Variants in MRPL28 observed in about 807,000 individuals in gnomAD.
MRPL28 encodes the protein mitochondrial ribosomal protein L28.
A neutral mutation model predicts 26.2 loss-of-function variants in MRPL28; 25 were observed. The ratio of observed to expected loss-of-function variants is 0.95; its 90% CI spans 0.69 to 1.33. The LOEUF (loss-of-function observed/expected upper bound fraction) is 1.33, where lower values mean the gene tolerates loss of function less well. MRPL28 is among the 40% of genes most tolerant of loss of function. MRPL28 has a pLI of 0.00. For missense variants in MRPL28, 432 were observed against 327.2 expected (o/e 1.32, Z -2.47); for synonymous variants, 227 against 140.1 (o/e 1.62, Z -4.38).
rs983199350 is a variant in MRPL28, at chr16:367,199, C to T, written c.*476G>A. Among the ~76,000 whole-genome samples, 50 of 152,056 alleles carry T rather than the reference C, an allele frequency of 3.3e-4. No homozygotes were observed. Among genetic ancestry groups the T allele is most frequent in the Admixed American group, 2.9e-3 (44 of 15,268 alleles). On this transcript the variant is annotated 3_prime_UTR_variant, in exon 6 of 6. Transcript: ENST00000199706. The stretch of plus-strand genomic sequence containing the variant: ...CAGCCTGGGTGACTGAGCAAGACTC[C>T]GTCTCAAAAAAAGAAAAGAAAAAAA...
intron 5 of MRPL28, among the ~76,000 whole-genome samples, 165 bp from the exon 6 acceptor site, chr16:367,947 G>A (rs575140547): frequency 6.6e-5 from 10 of 152,314 alleles, no homozygotes; most frequent in Admixed American, 2.0e-4. Flanking sequence ...TGGGGATGCC[G>A]GAGGCACACA....
rs555029672 is a variant in MRPL28 at position 368,719 on chromosome 16, C to T, written c.442-84G>A. On this transcript the variant is annotated intron_variant, in intron 3 of 5. Coordinates refer to ENST00000199706, the MANE Select transcript of MRPL28 (RefSeq NM_006428.5). The stretch of plus-strand genomic sequence containing the variant: ...GCCAACCCACCTGGCTCCTCTCTAG[C>T]CGCTGGTGGTCCCAGGACAGGACAG... 264 of 1,505,082 alleles carry T rather than the reference C, an allele frequency of 1.8e-4. 1 individual carries two copies. In the African/African-American group the frequency reaches 3.4e-3, roughly 20 times the overall value. 93.2% of individuals were successfully genotyped at this position (1,505,082 alleles called of 1,614,324 possible). A position where few individuals can be genotyped will look rare whatever the true frequency, so the allele number is the denominator to read the frequency against.
chr16:368,247 G>A (rs2054278685), intron 5 of MRPL28, 81 bp downstream of exon 5: 1 of 1,493,528 alleles, frequency 6.7e-7, no homozygotes, highest in Non-Finnish European at 9.3e-7. Flanking sequence ...CCTTGTGCAG[G>A]CTCTCTCCAA....
At chr16:369,577 A>T in intron 2 of MRPL28, 7 of 618,676 alleles carry the variant, frequency 1.1e-5, no homozygotes, top group Non-Finnish European at 2.1e-5. Context: ...CCCGCCAGGA[A>T]GTCCACCACA....
chr16:368,071 G>A (rs2054276943), intron 5 of MRPL28, among the ~76,000 whole-genome samples: 1 of 152,220 alleles, frequency 6.6e-6, no homozygotes. Flanking sequence ...CCAGACCCTG[G>A]GATGCTGGTG....
rs745674472 is a variant in MRPL28, at chr16:370,156, A to C, written c.63T>G (p.Cys21Trp). 1.0e-5 allele frequency: 16 copies of C among 1,602,148 alleles called. No individual in the cohort carries two copies. In the Admixed American group the frequency reaches 1.5e-4, roughly 15 times the overall value. Residue 21 changes from cysteine to tryptophan, a missense_variant, in exon 2 of 6, where the codon TGT becomes TGG. Physicochemically the swap from Cys to Trp is radical, Grantham distance 215. Transcript: ENST00000199706. The part of the protein sequence containing the change: ...WKRLQLREGI[C>W]SRLPGHYLRS... ...GCAGGTAGTGGCCGGGCAGGCGGGA[A>C]CAGATGCCCTCCCGCAGCTGCAGCC...
In MRPL28 at chr16:368,598, T is replaced by C. The variant is rs2054283693; in HGVS notation, c.479A>G (p.Asp160Gly). The change falls in exon 4 of 6, where the codon GAC (aspartate) becomes GGC (glycine). Residue 160 changes from aspartate to glycine, a missense_variant. Asp to Gly is a moderately conservative substitution (Grantham distance 94). Coordinates refer to ENST00000199706, the MANE Select transcript of MRPL28 (RefSeq NM_006428.5). Reference protein sequence around the residue: ...KEDLCSKFGMDLKRGMLLRLA... With the variant: ...KEDLCSKFGMGLKRGMLLRLA... ...CCGCAGCAGCATCCCTCGCTTCAGG[T>C]CCATCCCAAACTTGGAGCACAGGTC... 2 of 1,590,468 alleles carry C rather than the reference T, an allele frequency of 1.3e-6. No individual in the cohort carries two copies. The highest frequency in any genetic ancestry group is 1.3e-5 in the African/African-American group (1 of 74,394).
At chr16:370,265 C>T (rs1567320513) in intron 1 of MRPL28, 40 bp from the exon 2 acceptor site, 1 of 1,498,064 alleles carries the variant, frequency 6.7e-7, no homozygotes, top group East Asian at 2.4e-5. Context: ...CGCAGCCTGG[C>T]CAGGCCCCCG....
chr16:367,699 C>T lies in MRPL28; in HGVS notation c.747G>A (p.Val249=), dbSNP rs777289549. 17 of 1,613,604 alleles carry T rather than the reference C, an allele frequency of 1.1e-5. No individual in the cohort carries two copies. The Admixed American group carries it at 2.0e-4, about 19-fold the overall frequency. The part of the protein sequence containing the change: ...QQQALSEPAV[V]QKRASGQ ...GTCACTGGCCACTGGCTCTCTTCTG[C>T]ACCACCGCCGGCTCTGACAGTGCCT... The change falls in exon 6 of 6, where the codon GTG becomes GTA. Residue 249 remains valine (V), a synonymous_variant. Coordinates refer to ENST00000199706, the MANE Select transcript of MRPL28 (RefSeq NM_006428.5).
In MRPL28 at chr16:370,152, G is replaced by A. The variant is rs757199021; in HGVS notation, c.67C>T (p.Arg23Cys). The A allele has an allele frequency of 4.4e-6, 7 of 1,602,324 alleles. No individual in the cohort carries two copies. The highest frequency in any genetic ancestry group is 1.3e-5 in the African/African-American group (1 of 74,608). ...RLQLREGICSRLPGHYLRSLE... is the reference protein window; with the variant it reads ...RLQLREGICSCLPGHYLRSLE... ...GAGCGCAGGTAGTGGCCGGGCAGGC[G>A]GGAACAGATGCCCTCCCGCAGCTGC... Residue 23 changes from arginine (R) to cysteine (C), a missense_variant, in exon 2 of 6, where the codon CGC becomes TGC. By Grantham distance (180) the Arg-to-Cys change is radical (BLOSUM62 -3). Coordinates refer to ENST00000199706, the MANE Select transcript of MRPL28 (RefSeq NM_006428.5).
intron 2 of MRPL28, chr16:369,514 T>C (rs1381557053): frequency 7.4e-6 from 5 of 673,780 alleles, no homozygotes; most frequent in Admixed American, 2.2e-5. Flanking sequence ...AGTTTACAGG[T>C]TGTCACATTC....
Position 368,338 on chromosome 16 carries a change from A to G in MRPL28, c.653T>C (p.Leu218Ser). The G allele has an allele frequency of 6.2e-7, 1 of 1,613,532 alleles. No individual in the cohort carries two copies. The highest frequency in any genetic ancestry group is 8.5e-7 in the Non-Finnish European group (1 of 1,179,964). Residue 218 changes from leucine (L) to serine (S), a missense_variant, in exon 5 of 6, where the codon TTG (leucine) becomes TCG (serine). By Grantham distance (145) the Leu-to-Ser change is moderately radical. Transcript: ENST00000199706. The part of the protein sequence containing the change: ...LEEAIEKQRL[L>S]EEKDPVPLFK... ...TGCTCACACACTCACCTTCTCCTCC[A>G]AAAGTCTCTGCTTCTCAATGGCCTC...
At chr16:369,867 T>G in intron 2 of MRPL28, 64 bp downstream of exon 2, 3 of 1,550,310 alleles carry the variant, frequency 1.9e-6, no homozygotes, top group Non-Finnish European at 2.6e-6. Context: ...ACCCCGGGCG[T>G]CCGGCACAGA....
chr16:369,547 T>G (rs1306282073), intron 2 of MRPL28: 1 of 607,286 alleles, frequency 1.6e-6, no homozygotes, highest in Non-Finnish European at 3.1e-6. Flanking sequence ...GACACAAGTC[T>G]CCCCACAGGC....
rs183079753 is a variant in MRPL28, at chr16:370,490, C to T, written c.-8+9G>A. 1.8e-4 allele frequency: 168 copies of T among 952,236 alleles called. No homozygotes were observed. The African/African-American group carries it at 3.5e-3, about 20-fold the overall frequency. 59.0% of individuals were successfully genotyped at this position (952,236 alleles called of 1,614,324 possible). A position where few individuals can be genotyped will look rare whatever the true frequency, so the allele number is the denominator to read the frequency against. ...GGCGCCCCCCCACACCCCACCTGCCCGCGCCCACCTTTCAGGGTTCAGAGC... is the reference window on the plus strand; with the variant it reads ...GGCGCCCCCCCACACCCCACCTGCCTGCGCCCACCTTTCAGGGTTCAGAGC... On this transcript the variant is annotated intron_variant, in intron 1 of 5. Transcript: ENST00000199706.
intron 2 of MRPL28, 79 bp from the exon 3 acceptor site, chr16:369,299 C>T (rs770020197): frequency 2.6e-6 from 4 of 1,538,310 alleles, no homozygotes; most frequent in Non-Finnish European, 3.5e-6. Flanking sequence ...CTGCCCTCAC[C>T]TCCCCCCCGG....
chr16:370,035 C>G lies in MRPL28; in HGVS notation c.184G>C (p.Val62Leu). The part of the protein sequence containing the change: ...INPKNGQRER[V>L]EDVPIPIYFP... ...TAGATGGGAATGGGCACGTCCTCCA[C>G]ACGCTCCCGCTGCCCGTTCTTGGGG... The change falls in exon 2 of 6, where the codon GTG becomes CTG. Residue 62 changes from valine to leucine, a missense_variant. Coordinates refer to ENST00000199706, the MANE Select transcript of MRPL28 (RefSeq NM_006428.5). 1 of 1,613,254 alleles carries G rather than the reference C, an allele frequency of 6.2e-7. No individual in the cohort carries two copies. The highest frequency in any genetic ancestry group is 2.2e-5 in the East Asian group (1 of 44,892).
chr16:369,957 CCAGG>C lies in MRPL28; in HGVS notation c.258_261del (p.Ile86MetfsTer15). ...TTGTCGTTGTTGGCATATATTTGGC[CCAGG>C]ATCCAGCCCTCGCCGCCCCACAACC... On this transcript the variant is annotated frameshift_variant, in exon 2 of 6. Transcript: ENST00000199706. LOFTEE classifies it high-confidence loss of function. 1 of 1,611,856 alleles carries C rather than the reference CCAGG, an allele frequency of 6.2e-7. No homozygotes were observed. The highest frequency in any genetic ancestry group is 8.5e-7 in the Non-Finnish European group (1 of 1,179,762).
Position 369,198 on chromosome 16 carries a change from ACT to A in MRPL28, c.309_310del (p.Lys103AsnfsTer8), listed in dbSNP as rs1252180921. 6.2e-7 allele frequency: 1 copy of A among 1,613,850 alleles called. No homozygotes were observed. Among genetic ancestry groups the A allele is most frequent in the Non-Finnish European group, 8.5e-7 (1 of 1,179,946 alleles). On this transcript the variant is annotated frameshift_variant, in exon 3 of 6. Transcript: ENST00000199706. LOFTEE classifies it high-confidence loss of function. ...TCGCTCAAACAGCTGTGGCTTCCACACTTTCTTCAGCCTCTTGGAGAGCTGAG... is the reference window on the plus strand; with the variant it reads ...TCGCTCAAACAGCTGTGGCTTCCACATTCTTCAGCCTCTTGGAGAGCTGAG...
Sources: allele counts gnomAD v4.1 joint callset (sites outside exome capture counted in the v4.1 genomes callset), GRCh38; gene constraint gnomAD v4.1.1; transcripts MANE v1.5; gene names NCBI Gene and HGNC (gene_info 2026-07-23, HGNC 2026-07-21).